EIF4H: variants seen among roughly 807,000 people sequenced by gnomAD.
EIF4H encodes the protein Williams-Beuren syndrome chromosome region 1.
A neutral mutation model predicts 30.6 loss-of-function variants in EIF4H; 8 were observed. That is an observed-to-expected ratio of 0.26 (90% CI 0.15 to 0.47). The LOEUF is 0.47. EIF4H is among the 20% of genes least tolerant of loss of function. The pLI, the probability that EIF4H is intolerant of heterozygous loss-of-function variation, is 0.99. For synonymous variants in EIF4H, 106 were observed against 122.7 expected, an observed-to-expected ratio of 0.86 and a Z score of 0.90; for missense variants, 188 against 339.5, an observed-to-expected ratio of 0.55 and a Z score of 3.51.
chr7:74,180,022 C>G (rs1031096025), intron 1 of EIF4H, among the ~76,000 whole-genome samples: 2 of 152,068 alleles, frequency 1.3e-5, no homozygotes, highest in Admixed American at 1.3e-4. Context: ...GACAATATGT[C>G]CAGACCTGGT....
chr7:74,191,229 G>A (rs782101000), intron 5 of EIF4H: 1 of 534,268 alleles, frequency 1.9e-6, no homozygotes, highest in Non-Finnish European at 3.8e-6. Context: ...ATTCATAAAA[G>A]TGCAGTATGG....
At chr7:74,193,244 G>A (rs186863212) in intron 5 of EIF4H, among the ~76,000 whole-genome samples, 22 of 152,320 alleles carry the variant, frequency 1.4e-4, no homozygotes, top group African/African-American at 2.2e-4. Context: ...CAAAACACCC[G>A]ACACTCATCG....
At chr7:74,193,760 G>A (rs1311062883) in intron 5 of EIF4H, among the ~76,000 whole-genome samples, 1 of 152,098 alleles carries the variant, frequency 6.6e-6, no homozygotes, top group Non-Finnish European at 1.5e-5. Flanking sequence ...CCCCAGGCGT[G>A]CGCCACCATG....
chr7:74,175,068 T>C (rs550963544), intron 1 of EIF4H, among the ~76,000 whole-genome samples: 1 of 152,352 alleles, frequency 6.6e-6, no homozygotes, highest in South Asian at 2.1e-4. Context: ...CTTTCTTGGG[T>C]CACAGTGCCT....
At chr7:74,188,511 G>T (rs1554709470) in intron 2 of EIF4H, among the ~76,000 whole-genome samples, 1 of 152,188 alleles carries the variant, frequency 6.6e-6, no homozygotes, top group Non-Finnish European at 1.5e-5. Context: ...TGTGCCAGCA[G>T]TCGAGAAGGC....
At chr7:74,185,439 C>T (rs1413889219) in intron 1 of EIF4H, among the ~76,000 whole-genome samples, 3 of 151,922 alleles carry the variant, frequency 2.0e-5, no homozygotes, top group Non-Finnish European at 2.9e-5. Context: ...TTACTAGGCC[C>T]GAAAAGATGG....
intron 1 of EIF4H, among the ~76,000 whole-genome samples, chr7:74,186,785 G>T (rs1554709202): frequency 1.8e-4 from 6 of 33,344 alleles, no homozygotes; most frequent in South Asian, 1.1e-3. Flanking sequence ...GCAACAAGGA[G>T]AAATTTTTTT....
chr7:74,175,447 C>T (rs782455472), intron 1 of EIF4H, among the ~76,000 whole-genome samples: 2 of 152,078 alleles, frequency 1.3e-5, no homozygotes, highest in Non-Finnish European at 2.9e-5. Context: ...GGTTGCAGTC[C>T]AAAAGTATCT....
In EIF4H at chr7:74,174,368, G is replaced by A. The variant is rs782168326; in HGVS notation, c.-16G>A. ...TTCCTCGCTCACCCTGGTTCCTCTC[G>A]GAGCGGAGACGGCAAATGGCGGACT... On this transcript the variant is annotated 5_prime_UTR_variant, in exon 1 of 7. Coordinates refer to ENST00000265753, the MANE Select transcript of EIF4H (RefSeq NM_022170.2). 2.8e-6 allele frequency: 4 copies of A among 1,447,060 alleles called. 1 individual carries two copies. The South Asian group carries it at 4.2e-5, about 15-fold the overall frequency. The allele number at this position is 1,447,060 out of a possible 1,614,324, so 89.6% of individuals were successfully genotyped here.
Position 74,195,494 on chromosome 7 carries a change from G to A in EIF4H, c.*186G>A, listed in dbSNP as rs1287122881. ...TTTTTAGTACATTCTGGGCTTTGCT[G>A]TATCTATCTAGTGCCTGTTTGTGCG... On this transcript the variant is annotated 3_prime_UTR_variant, in exon 7 of 7. Transcript: ENST00000265753. 4.2e-5 allele frequency: 25 copies of A among 600,056 alleles called. No individual in the cohort carries two copies. The highest frequency in any genetic ancestry group is 9.3e-4 in the Middle Eastern group (2 of 2,140). The allele number at this position is 600,056 out of a possible 1,614,324, so 37.2% of individuals were successfully genotyped here.
At chr7:74,192,199 A>G (rs782758662) in intron 5 of EIF4H, among the ~76,000 whole-genome samples, 12 of 152,116 alleles carry the variant, frequency 7.9e-5, no homozygotes, top group Non-Finnish European at 1.5e-4. Flanking sequence ...AAGGGTGTAA[A>G]TTTACTTTGT....
At chr7:74,193,025 T>C (rs115171291) in intron 5 of EIF4H, among the ~76,000 whole-genome samples, 63 of 152,260 alleles carry the variant, frequency 4.1e-4, no homozygotes, top group African/African-American at 1.5e-3. Flanking sequence ...TAGTGTTGAT[T>C]CATTTAATAG....
At chr7:74,195,071 A>G (rs1801313075) in intron 6 of EIF4H, 98 bp from the exon 7 acceptor site, 1 of 1,549,416 alleles carries the variant, frequency 6.5e-7, no homozygotes, top group African/African-American at 1.4e-5. Context: ...TGAATTTTAG[A>G]AAGTGGGCTG....
In EIF4H at chr7:74,174,683, C is replaced by T. The variant is rs972894610; in HGVS notation, c.59+241C>T. Among the ~76,000 whole-genome samples, 4 of 97,072 alleles carry T rather than the reference C, an allele frequency of 4.1e-5. No individual in the cohort carries two copies. In the East Asian group the frequency reaches 2.0e-3, roughly 49 times the overall value. The allele number at this position is 97,072 out of a possible 152,430, so 63.7% of individuals were successfully genotyped here. A position where few individuals can be genotyped will look rare whatever the true frequency, so the allele number is the denominator to read the frequency against. The stretch of plus-strand genomic sequence containing the variant: ...CCCTTCCACTGCCTCCCGCCAACGA[C>T]AACGTGTTGGTTTTTGCCCTGCCTT... On this transcript the variant is annotated intron_variant, in intron 1 of 6. Coordinates refer to ENST00000265753, the MANE Select transcript of EIF4H (RefSeq NM_022170.2).
chr7:74,182,019 ACATACTTTT>A (rs1554708477), intron 1 of EIF4H, among the ~76,000 whole-genome samples: 1 of 152,180 alleles, frequency 6.6e-6, no homozygotes, highest in Non-Finnish European at 1.5e-5. Context: ...CCGGCCTCTT[ACATACTTTT>A]CATACTTGAG....
chr7:74,195,396 C>G lies in EIF4H; in HGVS notation c.*88C>G. The G allele has an allele frequency of 2.1e-6, 3 of 1,418,474 alleles. No homozygotes were observed. The South Asian group carries it at 4.2e-5, about 20-fold the overall frequency. 87.9% of individuals were successfully genotyped at this position (1,418,474 alleles called of 1,614,324 possible). A position where few individuals can be genotyped will look rare whatever the true frequency, so the allele number is the denominator to read the frequency against. ...CCGGGCAGCCGTCCTGCAGCCGCCA[C>G]TCCTGCGCCTGCCATTGGCCTCCTC... On this transcript the variant is annotated 3_prime_UTR_variant, in exon 7 of 7. Coordinates refer to ENST00000265753, the MANE Select transcript of EIF4H (RefSeq NM_022170.2).
chr7:74,178,923 T>C (rs1158490381), intron 1 of EIF4H, among the ~76,000 whole-genome samples: 1 of 152,244 alleles, frequency 6.6e-6, no homozygotes, highest in Non-Finnish European at 1.5e-5. Flanking sequence ...ATGTGGCTGC[T>C]CCACGGTTGA....
chr7:74,187,260 T>C (rs954711800), intron 1 of EIF4H, among the ~76,000 whole-genome samples: 1 of 152,048 alleles, frequency 6.6e-6, no homozygotes, highest in African/African-American at 2.4e-5. Flanking sequence ...TGAAACCCTG[T>C]TTCTACTAAA....
intron 5 of EIF4H, 142 bp from the exon 6 acceptor site, chr7:74,194,599 A>G: frequency 8.2e-7 from 1 of 1,226,822 alleles, no homozygotes; most frequent in South Asian, 2.0e-5. Flanking sequence ...CACTTTTAAC[A>G]CACTTTATTT....
Sources: gnomAD v4.1 joint callset for allele counts (sites outside exome capture counted in the v4.1 genomes callset) on GRCh38, gnomAD v4.1.1 for gene constraint, MANE v1.5 for transcripts, NCBI Gene and HGNC (gene_info 2026-07-23, HGNC 2026-07-21) for gene names.